MYH8: variants seen among roughly 807,000 people sequenced by gnomAD.
MYH8 encodes myosin heavy chain 8.
A neutral mutation model predicts 233.2 loss-of-function variants in MYH8; 168 were observed. That is an observed-to-expected ratio of 0.72 (90% CI 0.64 to 0.82). MYH8 has a LOEUF of 0.82. Ranked by LOEUF, MYH8 falls within the 40% of genes least tolerant of loss-of-function variation. The pLI is 0.00. For missense variants in MYH8, 1,995 were observed against 2,327.8 expected, an observed-to-expected ratio of 0.86 and a Z score of 2.94; for synonymous variants, 785 against 850.6, an observed-to-expected ratio of 0.92 and a Z score of 1.34.
At position 10,400,738 on chromosome 17, in the gene MYH8, C is replaced by T. The variant is rs1326683243; in HGVS notation, c.3387G>A (p.Arg1129=). ...EELGEEIEAE[R]ASRAKAEKQR... Reference sequence around the variant, plus strand: ...GCTTCTCCGCTTTGGCTCGGGACGCCCTCTCTGCCTCGATTTCTTCCCCCA... The same window carrying T: ...GCTTCTCCGCTTTGGCTCGGGACGCTCTCTCTGCCTCGATTTCTTCCCCCA... The change falls in exon 27 of 40, where the codon AGG becomes AGA. Residue 1129 remains arginine (R), a synonymous_variant. Transcript: ENST00000403437. The surrounding 1 kb of genome is among the most constrained non-coding windows in gnomAD (Gnocchi z 4.0). The T allele has an allele frequency of 1.2e-6, 2 of 1,614,160 alleles. No individual in the cohort carries two copies. The highest frequency in any genetic ancestry group is 3.3e-5 in the Admixed American group (2 of 60,030).
chr17:10,420,012 A>G lies in MYH8; in HGVS notation c.210+6T>C. The G allele has an allele frequency of 1.9e-6, 3 of 1,613,582 alleles. No homozygotes were observed. Among genetic ancestry groups the G allele is most frequent in the Non-Finnish European group, 2.5e-6 (3 of 1,179,562 alleles). On this transcript the variant is annotated splice_donor_region_variant and intron_variant, in intron 3 of 39. Transcript: ENST00000403437. ...TGGGGAGTATTTTCTCCCTGTTTTC[A>G]CTTACTGCTCCACCTTCAGTCTTTA...
Position 10,399,527 on chromosome 17 carries a change from G to A in MYH8, c.3862+16C>T, listed in dbSNP as rs765446834. 1.1e-5 allele frequency: 17 copies of A among 1,612,734 alleles called. No individual in the cohort carries two copies. The highest frequency in any genetic ancestry group is 1.9e-4 in the Middle Eastern group (1 of 5,132). ...ATTTAGTCCATGGTGTTGGGACCCA[G>A]AGAAGATGTCTTTACCCGCTTCTGT... is the stretch of plus-strand genomic sequence containing the variant. On this transcript the variant is annotated intron_variant, in intron 28 of 39. Transcript: ENST00000403437.
In MYH8 at chr17:10,409,421, A is replaced by G. The variant is rs1597402818; in HGVS notation, c.1755T>C (p.Tyr585=). Residue 585 remains tyrosine, a synonymous_variant, in exon 16 of 40, where the codon TAT becomes TAC. Coordinates refer to ENST00000403437, the MANE Select transcript of MYH8 (RefSeq NM_002472.3). The part of the protein sequence containing the change: ...KAEAHFSLIH[Y]AGTVDYNITG... ...TAATGTTGTAGTCCACAGTGCCAGC[A>G]TAGTGAATCAGAGAGAAGTGGGCCT... 2.5e-6 allele frequency: 4 copies of G among 1,614,230 alleles called. No homozygotes were observed. Among genetic ancestry groups the G allele is most frequent in the Admixed American group, 3.3e-5 (2 of 60,024 alleles).
Position 10,400,362 on chromosome 17 carries a change from A to G in MYH8, c.3735+28T>C. The stretch of plus-strand genomic sequence containing the variant: ...ATAATGGGTGTTCTTACAGATGATT[A>G]CCTTCATTTAGAGACAGTATTGGGT... On this transcript the variant is annotated intron_variant, in intron 27 of 39. Transcript: ENST00000403437. The surrounding 1 kb of genome is among the most constrained non-coding windows in gnomAD (Gnocchi z 4.0). 1 of 1,608,782 alleles carries G rather than the reference A, an allele frequency of 6.2e-7. No homozygotes were observed. Among genetic ancestry groups the G allele is most frequent in the Non-Finnish European group, 8.5e-7 (1 of 1,179,708 alleles).
At chr17:10,392,028 C>T (rs2142166193) in intron 38 of MYH8, 51 bp from the exon 39 acceptor site, 1 of 1,451,068 alleles carries the variant, frequency 6.9e-7, no homozygotes, top group East Asian at 2.3e-5. Flanking sequence ...GATAAGGCTA[C>T]TCTGGGTACT....
At position 10,400,874 on chromosome 17, in the gene MYH8, A is replaced by G. The variant is rs142711931; in HGVS notation, c.3340T>C (p.Leu1114=). ...ATAGAGGTGAGATGACTCACCTGCA[A>G]CTCTTTGATCTTCTTCTGTAGTTGA... ...EIQLQKKIKE[L]QARIEELGEE... The change falls in exon 26 of 40, where the codon TTG becomes CTG. Residue 1114 remains leucine (L), a synonymous_variant. Coordinates refer to ENST00000403437, the MANE Select transcript of MYH8 (RefSeq NM_002472.3). This position sits in a 1 kb window ranked among gnomAD's most constrained non-coding sequence, Gnocchi z 4.0. 721 of 1,613,202 alleles carry G rather than the reference A, an allele frequency of 4.5e-4. 2 individuals are homozygous for G. Among genetic ancestry groups the G allele is most frequent in the Non-Finnish European group, 5.6e-4 (665 of 1,179,908 alleles).
rs771058486 is a variant in MYH8 at position 10,392,503 on chromosome 17, G to T, written c.5568+39C>A. On this transcript the variant is annotated intron_variant, in intron 38 of 39. Coordinates refer to ENST00000403437, the MANE Select transcript of MYH8 (RefSeq NM_002472.3). ...CATAAGGTTTTCAATTTCCTTCTGG[G>T]CAGGAAGAGTGGATATTCTGGAAGG... The T allele has an allele frequency of 1.4e-5, 21 of 1,548,344 alleles. No individual in the cohort carries two copies. The Admixed American group carries it at 2.0e-4, about 15-fold the overall frequency.
intron 33 of MYH8, among the ~76,000 whole-genome samples, chr17:10,395,879 G>T (rs901747655): frequency 6.6e-6 from 1 of 152,014 alleles, no homozygotes; most frequent in East Asian, 1.9e-4. Context: ...CCTAGCTGTT[G>T]TTCCCCCAGT....
intron 5 of MYH8, among the ~76,000 whole-genome samples, chr17:10,416,911 T>C (rs2077796430): frequency 6.6e-6 from 1 of 152,208 alleles, no homozygotes; most frequent in African/African-American, 2.4e-5. Context: ...TAAAAGATCT[T>C]AGAAATTGCT....
chr17:10,406,108 T>G lies in MYH8; in HGVS notation c.2365A>C (p.Thr789Pro). The G allele has an allele frequency of 6.2e-7, 1 of 1,614,140 alleles. No individual in the cohort carries two copies. The highest frequency in any genetic ancestry group is 8.5e-7 in the Non-Finnish European group (1 of 1,180,020). The change falls in exon 21 of 40, where the codon ACA becomes CCA. Residue 789 changes from threonine to proline, a missense_variant. By Grantham distance (38) the Thr-to-Pro change is conservative. Around this residue, in one of 3 missense-constraint regions of MYH8, gnomAD observed 1,498 missense variants for 1,680.9 expected, o/e 0.89. Transcript: ENST00000403437. ...CCCCTACAGACAGCTTGTGTTCTTG[T>G]TATAATTTGGGCTAATTTTTCATCT... Reference protein sequence around the residue: ...MRDEKLAQIITRTQAVCRGFL... With the variant: ...MRDEKLAQIIPRTQAVCRGFL...
At position 10,410,857 on chromosome 17, in the gene MYH8, C is replaced by T; in HGVS notation, c.1507G>A (p.Glu503Lys). The part of the protein sequence containing the change: ...NHHMFVLEQE[E>K]YKKEGIEWTF... ...CACTCGATGCCTTCCTTCTTGTACT[C>T]CTCCTGCTCTAGCACAAACATGTGG... Residue 503 changes from glutamate to lysine, a missense_variant, in exon 15 of 40, where the codon GAG becomes AAG. Coordinates refer to ENST00000403437, the MANE Select transcript of MYH8 (RefSeq NM_002472.3). The T allele has an allele frequency of 6.2e-7, 1 of 1,613,992 alleles. No homozygotes were observed. The highest frequency in any genetic ancestry group is 1.3e-5 in the African/African-American group (1 of 74,998).
rs983130482 is a variant in MYH8, at chr17:10,415,634, C to T, written c.539+47G>A. ...AGAGAACTATGGCCTGCATTGTCAA[C>T]ATCTAAGACAATCCTTGCAAATCAG... On this transcript the variant is annotated intron_variant, in intron 6 of 39. Coordinates refer to ENST00000403437, the MANE Select transcript of MYH8 (RefSeq NM_002472.3). The surrounding 1 kb of genome is among the most constrained non-coding windows in gnomAD (Gnocchi z 4.1). The T allele has an allele frequency of 1.9e-6, 3 of 1,612,916 alleles. No homozygotes were observed. The highest frequency in any genetic ancestry group is 2.5e-6 in the Non-Finnish European group (3 of 1,178,912).
intron 9 of MYH8, among the ~76,000 whole-genome samples, chr17:10,414,783 CT>C (rs2072274884): frequency 1.3e-5 from 2 of 152,126 alleles, no homozygotes; most frequent in African/African-American, 4.8e-5. Context: ...TGGTGAGGGC[CT>C]ACCTTGGAAA....
At position 10,400,445 on chromosome 17, in the gene MYH8, A is replaced by T; in HGVS notation, c.3680T>A (p.Leu1227Gln). The T allele has an allele frequency of 6.2e-7, 1 of 1,613,946 alleles. No individual in the cohort carries two copies. The highest frequency in any genetic ancestry group is 8.5e-7 in the Non-Finnish European group (1 of 1,179,932). The change falls in exon 27 of 40, where the codon CTG becomes CAG. Residue 1227 changes from leucine (L) to glutamine (Q), a missense_variant. Transcript: ENST00000403437. This position sits in a 1 kb window ranked among gnomAD's most constrained non-coding sequence, Gnocchi z 4.0. ...GCTGAGGTCATCAGTCTCCATCTTC[A>T]GCTCACTCTTCTCCTTCTCCAGCTT... ...KQKLEKEKSE[L>Q]KMETDDLSSN...
chr17:10,392,798 C>T (rs376158554), intron 37 of MYH8, 33 bp downstream of exon 37: 6 of 1,614,072 alleles, frequency 3.7e-6, no homozygotes, highest in Non-Finnish European at 4.2e-6. Flanking sequence ...GCCCTTTTTC[C>T]CTTCCCAGAT....
Position 10,396,765 on chromosome 17 carries a change from G to A in MYH8, c.4362+38C>T, listed in dbSNP as rs750716609. The A allele has an allele frequency of 9.9e-6, 16 of 1,614,070 alleles. 1 individual carries two copies. Among genetic ancestry groups the A allele is most frequent in the South Asian group, 5.5e-5 (5 of 91,082 alleles). ...GTTGATCCAAGGAGAAAGGAAGACC[G>A]AGTAAAACACTCTTAAAGTTTAAGC... On this transcript the variant is annotated intron_variant, in intron 31 of 39. Transcript: ENST00000403437. This position sits in a 1 kb window ranked among gnomAD's most constrained non-coding sequence, Gnocchi z 4.2.
At chr17:10,393,275 T>A in intron 35 of MYH8, 65 bp from the exon 36 acceptor site, 1 of 1,595,138 alleles carries the variant, frequency 6.3e-7, no homozygotes, top group Non-Finnish European at 8.6e-7. Context: ...TTTACAAGTG[T>A]CTTACTTGTT....
Position 10,419,936 on chromosome 17 carries a change from C to G in MYH8, c.210+82G>C. ...GAAGGGTGTTTGCATTGGCAACAGG[C>G]TTGGAGATTCCCAGTAAGTTAGGCT... On this transcript the variant is annotated intron_variant, in intron 3 of 39. Coordinates refer to ENST00000403437, the MANE Select transcript of MYH8 (RefSeq NM_002472.3). The surrounding 1 kb of genome is among the most constrained non-coding windows in gnomAD (Gnocchi z 4.0). 6.8e-7 allele frequency: 1 copy of G among 1,460,482 alleles called. No homozygotes were observed. The highest frequency in any genetic ancestry group is 9.6e-7 in the Non-Finnish European group (1 of 1,042,592). The allele number at this position is 1,460,482 out of a possible 1,614,324, so 90.5% of individuals were successfully genotyped here. A position where few individuals can be genotyped will look rare whatever the true frequency, so the allele number is the denominator to read the frequency against.
At position 10,392,660 on chromosome 17, in the gene MYH8, A is replaced by G. The variant is rs369568540; in HGVS notation, c.5464-14T>C. The G allele has an allele frequency of 6.2e-7, 1 of 1,614,086 alleles. No individual in the cohort carries two copies. Among genetic ancestry groups the G allele is most frequent in the Non-Finnish European group, 8.5e-7 (1 of 1,179,954 alleles). ...AAGCTCACGTACCTGCAGCCAAGAA[A>G]AATACTTACGCAGTCAGTCTTGGGG... On this transcript the variant is annotated splice_polypyrimidine_tract_variant and intron_variant, in intron 37 of 39. Transcript: ENST00000403437.
Sources: gnomAD v4.1 joint callset for allele counts (sites outside exome capture counted in the v4.1 genomes callset) on GRCh38, gnomAD v4.1.1 for gene constraint, gnomAD v4.1.1 regional missense constraint, Gnocchi (gnomAD v3.1) non-coding constraint, MANE v1.5 for transcripts, NCBI Gene and HGNC (gene_info 2026-07-23, HGNC 2026-07-21) for gene names.